The following SUGCT variants were observed in gnomAD, a reference collection of about 807,000 sequenced individuals.
SUGCT encodes the protein succinyl-CoA:glutarate CoA-transferase.
In SUGCT, 41 loss-of-function variants were observed where a neutral mutation model predicts 55.0. That is an observed-to-expected ratio of 0.74 (90% CI 0.58 to 0.97). SUGCT has a LOEUF of 0.97. Ranked by LOEUF, SUGCT falls within the 50% of genes least tolerant of loss-of-function variation. SUGCT has a pLI of 0.00. For synonymous variants in SUGCT, 187 were observed against 200.4 expected, an observed-to-expected ratio of 0.93 and a Z score of 0.56; for missense variants, 568 against 547.8, an observed-to-expected ratio of 1.04 and a Z score of -0.37.
chr7:40,458,841 A>C (rs1477772562), intron 10 of SUGCT, among the ~76,000 whole-genome samples: 1 of 152,128 alleles, frequency 6.6e-6, no homozygotes, highest in Non-Finnish European at 1.5e-5. Context: ...TATAAGACTT[A>C]TGGGCATCTT....
chr7:40,993,720 C>G, the SUGCT span, among the ~76,000 whole-genome samples: 1 of 152,100 alleles, frequency 6.6e-6, no homozygotes, highest in African/African-American at 2.4e-5. Flanking sequence ...AATTGAAGAG[C>G]AATAGATTTG....
intron 12 of SUGCT, among the ~76,000 whole-genome samples, chr7:40,557,771 T>TAA (rs34029032): frequency 8.6e-6 from 1 of 115,808 alleles, no homozygotes; most frequent in Non-Finnish European, 1.9e-5. Context: ...AGACTCTGTC[T>TAA]AAAAAAAAAA....
chr7:40,426,278 A>G (rs1185586005), intron 9 of SUGCT, among the ~76,000 whole-genome samples: 1 of 152,148 alleles, frequency 6.6e-6, no homozygotes, highest in African/African-American at 2.4e-5. Context: ...AACAAGGTAG[A>G]TAATTGGTTT....
At chr7:40,853,666 G>A (rs1384624044) in intron 13 of SUGCT, among the ~76,000 whole-genome samples, 6 of 152,150 alleles carry the variant, frequency 3.9e-5, no homozygotes, top group Admixed American at 3.9e-4. Flanking sequence ...CACCCAGCCT[G>A]ATATAAGCTC....
intron 6 of SUGCT, among the ~76,000 whole-genome samples, chr7:40,204,833 T>C (rs906116873): frequency 2.2e-4 from 32 of 148,012 alleles, no homozygotes; most frequent in African/African-American, 8.0e-4. Context: ...ACTCAGGAGG[T>C]GGAGGTGGGA....
Position 40,135,074 on chromosome 7 carries a change from C to A in SUGCT, c.54C>A (p.Ser18=), listed in dbSNP as rs7793074. Residue 18 remains serine (S), a synonymous_variant, in exon 1 of 14, where the codon TCC becomes TCA. Coordinates refer to ENST00000335693, the MANE Select transcript of SUGCT (RefSeq NM_001193313.2). The part of the protein sequence containing the change: ...VAALRRTCLF[S]GRGGGRGLWT... The stretch of plus-strand genomic sequence containing the variant: ...CTCTGCGCAGAACCTGCCTCTTCTC[C>A]GGCCGGGGCGGCGGGAGGGGGCTGT... 6.8e-3 allele frequency: 10,682 copies of A among 1,559,872 alleles called. 555 individuals carry two copies. The African/African-American group carries it at 0.12, about 18-fold the overall frequency.
rs534780143 is a variant in SUGCT at position 40,508,977 on chromosome 7, A to G, written c.1089+12591A>G. On this transcript the variant is annotated intron_variant, in intron 12 of 13. Transcript: ENST00000335693. ...CTGACCTTGCTAGCTGTGATCTCCT[A>G]TCTCGCTTTTTTTTTTGAAAGAAAA... Among the ~76,000 whole-genome samples, 337 of 148,790 alleles carry G rather than the reference A, an allele frequency of 2.3e-3. 1 individual carries two copies. Among genetic ancestry groups the G allele is most frequent in the African/African-American group, 7.3e-3 (299 of 40,748 alleles).
intron 12 of SUGCT, among the ~76,000 whole-genome samples, chr7:40,632,646 A>G (rs1408715128): frequency 1.3e-5 from 2 of 151,804 alleles, no homozygotes; most frequent in African/African-American, 4.8e-5. Flanking sequence ...TTCCATACAG[A>G]TAATGTAAAA....
chr7:40,248,400 A>G (rs372841953), intron 7 of SUGCT, among the ~76,000 whole-genome samples: 2 of 152,114 alleles, frequency 1.3e-5, no homozygotes, highest in South Asian at 2.1e-4. Flanking sequence ...AGATTATCCT[A>G]TATCAATACA....
At chr7:40,727,700 A>T (rs1786678271) in intron 12 of SUGCT, among the ~76,000 whole-genome samples, 1 of 152,244 alleles carries the variant, frequency 6.6e-6, no homozygotes, top group Non-Finnish European at 1.5e-5. Flanking sequence ...TGCATAGGTC[A>T]TAAAGTTGAA....
chr7:40,429,785 A>G (rs1787796371), intron 9 of SUGCT, among the ~76,000 whole-genome samples: 1 of 152,214 alleles, frequency 6.6e-6, no homozygotes, highest in Admixed American at 6.5e-5. Context: ...CCCAGGAAAA[A>G]TATTTTGCAT....
chr7:40,582,796 A>G (rs1213842402), intron 12 of SUGCT, among the ~76,000 whole-genome samples: 1 of 152,200 alleles, frequency 6.6e-6, no homozygotes, highest in Non-Finnish European at 1.5e-5. Context: ...CCTTAACTCC[A>G]TGGCCGTCAC....
At chr7:40,521,600 C>T (rs1301896381) in intron 12 of SUGCT, among the ~76,000 whole-genome samples, 1 of 152,096 alleles carries the variant, frequency 6.6e-6, no homozygotes, top group Non-Finnish European at 1.5e-5. Flanking sequence ...TGAACGGTTG[C>T]ATAAATAAAG....
intron 12 of SUGCT, among the ~76,000 whole-genome samples, chr7:40,556,855 A>C (rs1415918545): frequency 6.6e-6 from 1 of 152,246 alleles, no homozygotes; most frequent in Non-Finnish European, 1.5e-5. Context: ...GTTGAATGAC[A>C]TTAAAATACA....
At chr7:40,470,187 C>T (rs1175289561) in intron 11 of SUGCT, among the ~76,000 whole-genome samples, 2 of 152,052 alleles carry the variant, frequency 1.3e-5, no homozygotes, top group African/African-American at 4.8e-5. Context: ...TTGACTCAGT[C>T]AAATCTGGTT....
chr7:40,599,960 G>A (rs1406260831), intron 12 of SUGCT, among the ~76,000 whole-genome samples: 2 of 152,174 alleles, frequency 1.3e-5, no homozygotes, highest in East Asian at 3.8e-4. Flanking sequence ...TTGTGAGGAG[G>A]CTGCACCAGG....
chr7:40,398,989 C>T (rs529614248), intron 9 of SUGCT, among the ~76,000 whole-genome samples: 1 of 152,098 alleles, frequency 6.6e-6, no homozygotes, highest in Non-Finnish European at 1.5e-5. Context: ...AACTCCACTG[C>T]ACACATCTGA....
At chr7:40,335,960 G>A (rs986630205) in intron 9 of SUGCT, among the ~76,000 whole-genome samples, 1 of 152,152 alleles carries the variant, frequency 6.6e-6, no homozygotes, top group Non-Finnish European at 1.5e-5. Flanking sequence ...AACATGAAGG[G>A]CTGTTGAATT....
At chr7:40,514,441 G>T (rs144320274) in intron 12 of SUGCT, among the ~76,000 whole-genome samples, 211 of 152,052 alleles carry the variant, frequency 1.4e-3, no homozygotes, top group African/African-American at 4.5e-3. Context: ...AGGCGTGGGG[G>T]CTCATGCCTG....
Sources: allele counts gnomAD v4.1 joint callset (sites outside exome capture counted in the v4.1 genomes callset), GRCh38; gene constraint gnomAD v4.1.1; transcripts MANE v1.5; gene names NCBI Gene and HGNC (gene_info 2026-07-23, HGNC 2026-07-21).